Variants in CELF5 observed in about 807,000 individuals in gnomAD.
CELF5 encodes the protein CUGBP Elav-like family member 5.
In CELF5, 6 loss-of-function variants were observed where a neutral mutation model predicts 54.9. The ratio of observed to expected loss-of-function variants is 0.11; its 90% CI spans 0.06 to 0.22. CELF5 has a LOEUF of 0.22. Ranked by LOEUF, CELF5 falls within the 10% of genes least tolerant of loss-of-function variation. The pLI, the probability that CELF5 is intolerant of heterozygous loss-of-function variation, is 1.00. For synonymous variants in CELF5, 271 were observed against 290.9 expected (o/e 0.93, Z 0.70); for missense variants, 401 against 678.6 (o/e 0.59, Z 4.54).
chr19:3,234,261 C>T (rs1329258297), intron 1 of CELF5, among the ~76,000 whole-genome samples: 1 of 152,056 alleles, frequency 6.6e-6, no homozygotes, highest in Non-Finnish European at 1.5e-5. Context: ...CTCTCTCTCT[C>T]TCTCTCCCTC....
chr19:3,248,941 C>A (rs1271746590), intron 1 of CELF5, among the ~76,000 whole-genome samples: 2 of 124,586 alleles, frequency 1.6e-5, no homozygotes, highest in Admixed American at 1.8e-4. Context: ...CTTTTCTTTT[C>A]TTTTCTTTCT....
At chr19:3,285,902 A>C in intron 9 of CELF5, 40 bp from the exon 10 acceptor site, 5 of 1,328,974 alleles carry the variant, frequency 3.8e-6, no homozygotes, top group South Asian at 2.0e-5. Flanking sequence ...ACGTGGCCTC[A>C]CGCCCCTCCT....
intron 2 of CELF5, among the ~76,000 whole-genome samples, chr19:3,255,273 C>T (rs1460635349): frequency 6.6e-6 from 1 of 152,182 alleles, no homozygotes; most frequent in Non-Finnish European, 1.5e-5. Context: ...CAACTTCTGC[C>T]TCGCGGGTTC....
At chr19:3,293,686 G>A (rs942632064) in intron 12 of CELF5, 200 bp downstream of exon 12, 6 of 531,456 alleles carry the variant, frequency 1.1e-5, no homozygotes, top group African/African-American at 3.8e-5. Context: ...CTGGAGCAGA[G>A]GGTGGGAATG....
At chr19:3,240,067 G>A (rs2079470133) in intron 1 of CELF5, among the ~76,000 whole-genome samples, 1 of 151,462 alleles carries the variant, frequency 6.6e-6, no homozygotes, top group Non-Finnish European at 1.5e-5. Flanking sequence ...GGAGCGCAGT[G>A]GCGAGATCTC....
At chr19:3,243,269 A>G (rs2079517534) in intron 1 of CELF5, among the ~76,000 whole-genome samples, 1 of 151,300 alleles carries the variant, frequency 6.6e-6, no homozygotes, top group African/African-American at 2.4e-5. Flanking sequence ...ATTAAATATC[A>G]ATGGAGTTTT....
In CELF5 at chr19:3,276,344, G is replaced by C. The variant is rs534779048; in HGVS notation, c.523+360G>C. Among the ~76,000 whole-genome samples, 552 of 151,134 alleles carry C rather than the reference G, an allele frequency of 3.7e-3. 3 individuals are homozygous for C. The highest frequency in any genetic ancestry group is 0.012 in the African/African-American group (500 of 41,044). ...GGGGTGGGGAGGAGCTGGCTCTGAG[G>C]ATGTAGCCCTGGAGAGGCCCGAGGC... On this transcript the variant is annotated intron_variant, in intron 4 of 12. Coordinates refer to ENST00000292672, the MANE Select transcript of CELF5 (RefSeq NM_021938.4).
chr19:3,287,928 C>G (rs1334716465), intron 10 of CELF5, among the ~76,000 whole-genome samples: 2 of 152,120 alleles, frequency 1.3e-5, no homozygotes, highest in Non-Finnish European at 2.9e-5. Context: ...AGAATGTGCA[C>G]GTGGAAACGG....
intron 1 of CELF5, chr19:3,225,631 G>C (rs1256267364): frequency 1.0e-6 from 1 of 979,998 alleles, no homozygotes; most frequent in Non-Finnish European, 1.2e-6. Flanking sequence ...AACTACAAAG[G>C]AAGACGGGTT....
At chr19:3,279,201 G>A (rs1448789180) in intron 5 of CELF5, among the ~76,000 whole-genome samples, 1 of 151,846 alleles carries the variant, frequency 6.6e-6, no homozygotes, top group Non-Finnish European at 1.5e-5. Flanking sequence ...ATTAGGGTGA[G>A]AATGGATGGG....
In CELF5 at chr19:3,281,401, C is replaced by T; in HGVS notation, c.750+56C>T. ...CGGCTCCGTCTCTCTCAGTCTCTGT[C>T]TACTCTCTGTCGGGCTCCTGCCTCT... On this transcript the variant is annotated intron_variant, in intron 6 of 12. Coordinates refer to ENST00000292672, the MANE Select transcript of CELF5 (RefSeq NM_021938.4). This position sits in a 1 kb window ranked among gnomAD's most constrained non-coding sequence, Gnocchi z 6.5. 6.4e-6 allele frequency: 10 copies of T among 1,553,474 alleles called. No individual in the cohort carries two copies. Among genetic ancestry groups the T allele is most frequent in the Non-Finnish European group, 8.7e-6 (10 of 1,145,516 alleles).
intron 10 of CELF5, among the ~76,000 whole-genome samples, chr19:3,289,492 G>A (rs2080306828): frequency 6.6e-6 from 1 of 151,902 alleles, no homozygotes; most frequent in Non-Finnish European, 1.5e-5. Context: ...GCCCAGCCTG[G>A]CCAACATGGT....
intron 1 of CELF5, among the ~76,000 whole-genome samples, chr19:3,234,780 C>T (rs555807310): frequency 1.3e-5 from 2 of 152,230 alleles, no homozygotes; most frequent in Admixed American, 1.3e-4. Flanking sequence ...CCTTCAAAAC[C>T]TCTCCAGAAT....
intron 1 of CELF5, among the ~76,000 whole-genome samples, chr19:3,240,195 T>C (rs2079472170): frequency 6.6e-6 from 1 of 152,102 alleles, no homozygotes; most frequent in Non-Finnish European, 1.5e-5. Context: ...TTTTGTATTT[T>C]TAGTAGAGAC....
intron 1 of CELF5, among the ~76,000 whole-genome samples, chr19:3,230,942 T>C (rs1599381307): frequency 1.3e-5 from 2 of 151,972 alleles, no homozygotes; most frequent in South Asian, 2.1e-4. Context: ...CCAGCCCAAG[T>C]CATACAGCAG....
chr19:3,260,847 C>A (rs1396228672), intron 2 of CELF5, among the ~76,000 whole-genome samples: 4 of 151,958 alleles, frequency 2.6e-5, no homozygotes, highest in Non-Finnish European at 5.9e-5. Context: ...TGGTCTCGAT[C>A]TCCTGACCTC....
chr19:3,224,821 G>A lies in CELF5; in HGVS notation c.82G>A (p.Gly28Arg), dbSNP rs1194123951. ...GCGGCCCTCGCCCGTGGGCAGCAGC[G>A]GGCCCGAGCCCCCCGGGGGGCAGCC... ...QPRPSPVGSSGPEPPGGQPDG... is the reference protein window; with the variant it reads ...QPRPSPVGSSRPEPPGGQPDG... The change falls in exon 1 of 13, where the codon GGG (glycine) becomes AGG (arginine). Residue 28 changes from glycine to arginine, a missense_variant. Around this residue, in one of 6 missense-constraint regions of CELF5, gnomAD observed 46 missense variants for 55.0 expected, o/e 0.84. Transcript: ENST00000292672. 1.9e-6 allele frequency: 3 copies of A among 1,566,722 alleles called. No homozygotes were observed. Among genetic ancestry groups the A allele is most frequent in the East Asian group, 4.8e-5 (2 of 41,610 alleles).
At chr19:3,237,516 C>T (rs1354629306) in intron 1 of CELF5, among the ~76,000 whole-genome samples, 10 of 152,006 alleles carry the variant, frequency 6.6e-5, no homozygotes, top group Non-Finnish European at 1.5e-4. Context: ...AATTTGCAGA[C>T]GTTGCCATGG....
intron 2 of CELF5, among the ~76,000 whole-genome samples, chr19:3,262,702 G>T (rs2079821834): frequency 6.6e-6 from 1 of 152,118 alleles, no homozygotes; most frequent in East Asian, 1.9e-4. Flanking sequence ...TGTAATCCCA[G>T]CACTTTGGGA....
Sources: gnomAD v4.1 joint callset for allele counts (sites outside exome capture counted in the v4.1 genomes callset) on GRCh38, gnomAD v4.1.1 for gene constraint, gnomAD v4.1.1 regional missense constraint, Gnocchi (gnomAD v3.1) non-coding constraint, MANE v1.5 for transcripts, NCBI Gene and HGNC (gene_info 2026-07-23, HGNC 2026-07-21) for gene names.